The following POFUT1 variants were observed in gnomAD, a reference collection of about 807,000 sequenced individuals.
The protein encoded by POFUT1 is protein O-fucosyltransferase 1.
POFUT1 carries 16 observed loss-of-function variants against 42.4 expected under a neutral mutation model. That is an observed-to-expected ratio of 0.38 (90% CI 0.26 to 0.57). POFUT1 has a LOEUF of 0.57. Ranked by LOEUF, POFUT1 falls within the 20% of genes least tolerant of loss-of-function variation. The probability of loss-of-function intolerance (pLI) is 0.71; values close to 1 mark genes in which losing one functional copy is unlikely to be tolerated. For missense variants in POFUT1, 470 were observed against 504.6 expected (o/e 0.93, Z 0.66); for synonymous variants, 206 against 205.4 (o/e 1.00, Z -0.03).
chr20:32,217,753 A>G, intron 4 of POFUT1: 1 of 985,044 alleles, frequency 1.0e-6, no homozygotes, highest in Non-Finnish European at 1.2e-6. Context: ...GCTTTATTTT[A>G]TTTAAGACTT....
intron 4 of POFUT1, chr20:32,223,659 T>TC (rs2047401075): frequency 1.0e-6 from 1 of 985,272 alleles, no homozygotes; most frequent in Admixed American, 6.2e-5. Context: ...ATTCCTTCCT[T>TC]CTCTAACCCC....
chr20:32,235,575 G>A lies in POFUT1; in HGVS notation c.*914G>A, dbSNP rs567616043. 1 of 152,376 alleles carries A rather than the reference G, an allele frequency of 6.6e-6. No homozygotes were observed. Among genetic ancestry groups the A allele is most frequent in the South Asian group, 2.1e-4 (1 of 4,828 alleles). The allele number at this position is 152,376 out of a possible 1,614,324, so 9.4% of individuals were successfully genotyped here. On this transcript the variant is annotated 3_prime_UTR_variant, in exon 7 of 7. Coordinates refer to ENST00000375749, the MANE Select transcript of POFUT1 (RefSeq NM_015352.2). ...TGGAGCCTTCAGGCCGTATTCTCACGAGGGAACGTTTGCCAAGGCTCTGAC... is the reference window on the plus strand; with the variant it reads ...TGGAGCCTTCAGGCCGTATTCTCACAAGGGAACGTTTGCCAAGGCTCTGAC...
At chr20:32,228,527 C>A in intron 5 of POFUT1, 72 bp downstream of exon 5, 1 of 1,337,970 alleles carries the variant, frequency 7.5e-7, no homozygotes, top group Non-Finnish European at 1.0e-6. Context: ...CTGTAGGGAT[C>A]GGCCCCGCGT....
chr20:32,228,155 C>T, intron 4 of POFUT1, 108 bp from the exon 5 acceptor site: 2 of 825,934 alleles, frequency 2.4e-6, no homozygotes, highest in Non-Finnish European at 3.7e-6. Context: ...GCAGGGGCCC[C>T]TCCGCAGGGT....
chr20:32,215,901 G>A (rs1268068483), intron 3 of POFUT1, among the ~76,000 whole-genome samples: 6 of 152,224 alleles, frequency 3.9e-5, no homozygotes, highest in Non-Finnish European at 4.4e-5. Flanking sequence ...CACCGAGGAT[G>A]GCACAGAGAG....
chr20:32,222,769 C>T (rs1569157013), intron 4 of POFUT1: 3 of 985,352 alleles, frequency 3.0e-6, no homozygotes, highest in Non-Finnish European at 3.6e-6. Context: ...AGCTCTAATT[C>T]AGCTGACGCT....
chr20:32,220,597 G>A (rs2047386627), intron 4 of POFUT1, among the ~76,000 whole-genome samples: 1 of 152,128 alleles, frequency 6.6e-6, no homozygotes. Flanking sequence ...TAAAAAATTA[G>A]CTGGGCGTGG....
intron 6 of POFUT1, among the ~76,000 whole-genome samples, chr20:32,232,264 G>A (rs1189922242): frequency 2.0e-5 from 3 of 152,108 alleles, no homozygotes; most frequent in African/African-American, 2.4e-5. Context: ...CCAGAAGTTC[G>A]AGACCAGCCT....
intron 6 of POFUT1, among the ~76,000 whole-genome samples, chr20:32,232,291 A>T (rs1283595251): frequency 6.6e-6 from 1 of 151,184 alleles, no homozygotes; most frequent in East Asian, 1.9e-4. Flanking sequence ...ACATAGCGAG[A>T]CCCCCATCTC....
In POFUT1 at chr20:32,237,521, C is replaced by T. The variant is rs1292161316; in HGVS notation, c.*2860C>T. On this transcript the variant is annotated 3_prime_UTR_variant, in exon 7 of 7. Coordinates refer to ENST00000375749, the MANE Select transcript of POFUT1 (RefSeq NM_015352.2). Reference sequence around the variant, plus strand: ...ACTGGAGTGTGTTCCTGAAGAGCAGCCAGGAGGCCAGCATGGCTGGAGAGG... The same window carrying T: ...ACTGGAGTGTGTTCCTGAAGAGCAGTCAGGAGGCCAGCATGGCTGGAGAGG... 1 of 227,868 alleles carries T rather than the reference C, an allele frequency of 4.4e-6. No individual in the cohort carries two copies. The allele number at this position is 227,868 out of a possible 1,614,324, so 14.1% of individuals were successfully genotyped here.
At chr20:32,220,950 A>G (rs2122580716) in intron 4 of POFUT1, among the ~76,000 whole-genome samples, 1 of 152,226 alleles carries the variant, frequency 6.6e-6, no homozygotes, top group Admixed American at 6.5e-5. Context: ...GAGACAGGAA[A>G]TAGAAACTGC....
intron 4 of POFUT1, chr20:32,223,437 A>T (rs2047400043): frequency 2.0e-6 from 2 of 985,266 alleles, no homozygotes; most frequent in Admixed American, 6.2e-5. Flanking sequence ...GGTAGAGGGG[A>T]CACACATTCC....
intron 6 of POFUT1, 106 bp from the exon 7 acceptor site, chr20:32,234,367 C>A (rs1600396122): frequency 1.9e-6 from 2 of 1,052,806 alleles, no homozygotes; most frequent in East Asian, 5.0e-5. Flanking sequence ...CTCTGCCCCT[C>A]CTTTTGTGTC....
At chr20:32,208,137 C>T (rs1480257631) in intron 1 of POFUT1, 72 bp downstream of exon 1, 6 of 1,401,178 alleles carry the variant, frequency 4.3e-6, no homozygotes, top group East Asian at 2.7e-5. Flanking sequence ...TCCTCAGATG[C>T]GCCCAGAGAC....
intron 3 of POFUT1, among the ~76,000 whole-genome samples, chr20:32,216,138 A>G (rs1028946045): frequency 6.6e-6 from 1 of 152,236 alleles, no homozygotes; most frequent in African/African-American, 2.4e-5. Context: ...GTCTTGGGAA[A>G]GTGGTTGGAA....
chr20:32,210,672 A>T (rs1294376289), intron 2 of POFUT1, among the ~76,000 whole-genome samples: 1 of 152,202 alleles, frequency 6.6e-6, no homozygotes, highest in Non-Finnish European at 1.5e-5. Flanking sequence ...GCCACAACCC[A>T]GGTAGTCTGG....
chr20:32,228,283 C>A lies in POFUT1; in HGVS notation c.563C>A (p.Pro188Gln). The A allele has an allele frequency of 6.2e-7, 1 of 1,613,526 alleles. No individual in the cohort carries two copies. The highest frequency in any genetic ancestry group is 1.1e-5 in the South Asian group (1 of 90,942). The change falls in exon 5 of 7, where the codon CCG (proline) becomes CAG (glutamine). Residue 188 changes from proline to glutamine, a missense_variant. By Grantham distance (76) the Pro-to-Gln change is moderately conservative. Transcript: ENST00000375749. ...TCTAGATTTTCTCCAAAGGAACATC[C>A]GGTGCTTGCCCTGCCAGGAGCCCCA... ...WSQRFSPKEHPVLALPGAPAQ... is the reference protein window; with the variant it reads ...WSQRFSPKEHQVLALPGAPAQ...
chr20:32,227,815 C>G (rs970040982), intron 4 of POFUT1, among the ~76,000 whole-genome samples: 7 of 152,178 alleles, frequency 4.6e-5, no homozygotes, highest in South Asian at 2.1e-4. Flanking sequence ...ATGAATGATT[C>G]AAATCCAGTA....
chr20:32,217,980 T>G (rs1376504325), intron 4 of POFUT1: 1 of 152,950 alleles, frequency 6.5e-6, no homozygotes, highest in Non-Finnish European at 1.5e-5. Context: ...ATTGACTCAC[T>G]TAATCTTTCC....
Sources: allele counts gnomAD v4.1 joint callset (sites outside exome capture counted in the v4.1 genomes callset), GRCh38; gene constraint gnomAD v4.1.1; transcripts MANE v1.5; gene names NCBI Gene and HGNC (gene_info 2026-07-23, HGNC 2026-07-21).